The following KLHL1 variants were observed in gnomAD, a reference collection of about 807,000 sequenced individuals.
KLHL1 encodes the protein kelch-like protein 1.
Under a neutral mutation model 77.7 loss-of-function variants are expected in KLHL1, and 47 were observed. The ratio of observed to expected loss-of-function variants is 0.60; its 90% CI spans 0.48 to 0.77. KLHL1 has a LOEUF of 0.77. Ranked by LOEUF, KLHL1 falls within the 30% of genes least tolerant of loss-of-function variation. KLHL1 has a pLI of 0.00. For synonymous variants in KLHL1, 360 were observed against 325.2 expected, an observed-to-expected ratio of 1.11 and a Z score of -1.15; for missense variants, 925 against 910.8, an observed-to-expected ratio of 1.02 and a Z score of -0.20.
intron 1 of KLHL1, among the ~76,000 whole-genome samples, chr13:70,020,538 T>G (rs903609369): frequency 6.6e-6 from 1 of 152,146 alleles, no homozygotes; most frequent in Admixed American, 6.6e-5. Flanking sequence ...ATAGATCTAC[T>G]GGCATACTTA....
intron 1 of KLHL1, among the ~76,000 whole-genome samples, chr13:70,027,652 G>GTTTTTTTTTTTTTTTTTT (rs10667717): frequency 7.4e-6 from 1 of 135,840 alleles, no homozygotes; most frequent in African/African-American, 2.7e-5. Flanking sequence ...AATGTAAGTT[G>GTTTTTTTTTTTTTTTTTT]TTTTTTTTTT....
At chr13:69,856,955 C>A (rs1363008116) in intron 5 of KLHL1, among the ~76,000 whole-genome samples, 1 of 152,012 alleles carries the variant, frequency 6.6e-6, no homozygotes, top group East Asian at 1.9e-4. Flanking sequence ...AATGACCTAA[C>A]TTGTCTACCG....
chr13:69,904,474 A>G (rs527877781), intron 4 of KLHL1, among the ~76,000 whole-genome samples: 1 of 152,344 alleles, frequency 6.6e-6, no homozygotes, highest in South Asian at 2.1e-4. Flanking sequence ...GAAGTTGACT[A>G]GTAATACAGT....
chr13:69,934,974 ATATATATATATATATG>A (rs1454921834), intron 4 of KLHL1, among the ~76,000 whole-genome samples: 3 of 134,746 alleles, frequency 2.2e-5, no homozygotes, highest in African/African-American at 9.4e-5. Flanking sequence ...ATATATATAT[ATATATATATATATATG>A]TATATATATA....
At chr13:70,078,853 T>C (rs1485689993) in intron 1 of KLHL1, among the ~76,000 whole-genome samples, 1 of 152,152 alleles carries the variant, frequency 6.6e-6, no homozygotes, top group Non-Finnish European at 1.5e-5. Flanking sequence ...ATTAAATATA[T>C]AACAAAAGCA....
intron 8 of KLHL1, among the ~76,000 whole-genome samples, chr13:69,737,873 C>A (rs1191086646): frequency 3.9e-5 from 6 of 152,156 alleles, no homozygotes; most frequent in African/African-American, 1.4e-4. Flanking sequence ...AGCACACCTG[C>A]CCCACCAAGC....
chr13:69,704,083 C>T (rs1875521185), intron 10 of KLHL1, among the ~76,000 whole-genome samples: 1 of 151,684 alleles, frequency 6.6e-6, no homozygotes, highest in African/African-American at 2.4e-5. Context: ...TACTGGACTA[C>T]ATATAGAGTG....
intron 2 of KLHL1, among the ~76,000 whole-genome samples, chr13:69,962,464 C>T (rs1338217522): frequency 1.3e-5 from 2 of 151,984 alleles, no homozygotes; most frequent in Non-Finnish European, 1.5e-5. Context: ...TCTTTCCTTA[C>T]AGCTGTGTTA....
chr13:69,712,561 A>G (rs1050252631), intron 9 of KLHL1, among the ~76,000 whole-genome samples: 1 of 152,022 alleles, frequency 6.6e-6, no homozygotes, highest in Non-Finnish European at 1.5e-5. Context: ...TATTGTTACT[A>G]CAATGTCTAG....
chr13:70,058,942 C>T (rs148242521), intron 1 of KLHL1, among the ~76,000 whole-genome samples: 257 of 151,878 alleles, frequency 1.7e-3, no homozygotes, highest in Non-Finnish European at 2.7e-3. Flanking sequence ...TCAAAGGTGC[C>T]GATAATATAC....
chr13:69,775,316 A>G (rs765395306), intron 7 of KLHL1, among the ~76,000 whole-genome samples: 5 of 152,190 alleles, frequency 3.3e-5, no homozygotes, highest in Non-Finnish European at 5.9e-5. Flanking sequence ...TCAAATGTCT[A>G]AACATTTGAA....
intron 1 of KLHL1, among the ~76,000 whole-genome samples, chr13:70,029,074 A>C (rs922910352): frequency 6.6e-6 from 1 of 151,916 alleles, no homozygotes; most frequent in African/African-American, 2.4e-5. Context: ...CTATATAATG[A>C]CTGTTTATTG....
At chr13:69,880,865 T>A (rs1430036996) in intron 5 of KLHL1, among the ~76,000 whole-genome samples, 1 of 152,158 alleles carries the variant, frequency 6.6e-6, no homozygotes, top group East Asian at 1.9e-4. Context: ...AAGAGAGTAA[T>A]GACTGTGCCA....
At chr13:69,998,901 C>G (rs1885220000) in intron 1 of KLHL1, among the ~76,000 whole-genome samples, 1 of 151,972 alleles carries the variant, frequency 6.6e-6, no homozygotes, top group Admixed American at 6.6e-5. Context: ...ACTCTGGCTT[C>G]TTAGTGGCTT....
intron 1 of KLHL1, among the ~76,000 whole-genome samples, chr13:70,003,985 T>G (rs1885352853): frequency 6.6e-6 from 1 of 151,810 alleles, no homozygotes. Context: ...TCAATGTATA[T>G]TTGTATGAAC....
intron 1 of KLHL1, among the ~76,000 whole-genome samples, chr13:70,093,240 G>A (rs1441566460): frequency 1.3e-5 from 2 of 152,042 alleles, no homozygotes; most frequent in Non-Finnish European, 2.9e-5. Flanking sequence ...TGAAGTGAGG[G>A]AAATAGGAAA....
At chr13:69,789,587 A>G (rs2138024259) in intron 7 of KLHL1, among the ~76,000 whole-genome samples, 1 of 152,318 alleles carries the variant, frequency 6.6e-6, no homozygotes, top group Admixed American at 6.5e-5. Flanking sequence ...GAATTTAATC[A>G]GTTAACCAAT....
At chr13:70,059,804 C>T (rs1886833238) in intron 1 of KLHL1, among the ~76,000 whole-genome samples, 1 of 152,084 alleles carries the variant, frequency 6.6e-6, no homozygotes, top group South Asian at 2.1e-4. Flanking sequence ...GCAAGTCTTA[C>T]ATGGAGGATT....
intron 10 of KLHL1, among the ~76,000 whole-genome samples, chr13:69,703,228 C>CA (rs151140931): frequency 0.011 from 1,615 of 151,566 alleles, 16 homozygotes; most frequent in South Asian, 0.032. Flanking sequence ...CTGGTAATGT[C>CA]ATAGCCCTCT....
Sources: allele counts gnomAD v4.1 joint callset (sites outside exome capture counted in the v4.1 genomes callset), GRCh38; gene constraint gnomAD v4.1.1; transcripts MANE v1.5; gene names NCBI Gene and HGNC (gene_info 2026-07-23, HGNC 2026-07-21).